Variants in BRIP1 observed in about 807,000 individuals in gnomAD.
The protein encoded by BRIP1 is BRCA1 interacting DNA helicase 1, also known as Fanconi anemia group J protein.
In BRIP1, 88 loss-of-function variants were observed where a neutral mutation model predicts 119.7. The ratio of observed to expected loss-of-function variants is 0.74; its 90% CI spans 0.62 to 0.88. The LOEUF (loss-of-function observed/expected upper bound fraction) is 0.88, where lower values mean the gene tolerates loss of function less well. BRIP1 is among the 40% of genes least tolerant of loss of function. The pLI is 0.00. For synonymous variants in BRIP1, 443 were observed against 496.5 expected, an observed-to-expected ratio of 0.89 and a Z score of 1.43; for missense variants, 1,259 against 1,455.4, an observed-to-expected ratio of 0.87 and a Z score of 2.20.
intron 18 of BRIP1, among the ~76,000 whole-genome samples, chr17:61,692,376 T>C (rs1052008840): frequency 7.2e-5 from 11 of 151,994 alleles, no homozygotes; most frequent in African/African-American, 2.2e-4. Flanking sequence ...AGGCAGCCTA[T>C]AGAATGGGAG....
At position 61,846,250 on chromosome 17, in the gene BRIP1, G is replaced by C. The variant is rs1352705141; in HGVS notation, c.627+851C>G. Among the ~76,000 whole-genome samples, 1 of 149,178 alleles carries C rather than the reference G, an allele frequency of 6.7e-6. No homozygotes were observed. The highest frequency in any genetic ancestry group is 1.5e-5 in the Non-Finnish European group (1 of 67,796). ...ATAGAGAGAGAGAGAGAGAAAAAGA[G>C]AGAGAGAGAGAAAGAGAGAGAGAGA... On this transcript the variant is annotated intron_variant, in intron 6 of 19. Coordinates refer to ENST00000259008, the MANE Select transcript of BRIP1 (RefSeq NM_032043.3). The surrounding 1 kb of genome is among the most constrained non-coding windows in gnomAD (Gnocchi z 4.3).
rs2077388936 is a variant in BRIP1, at chr17:61,767,417, A to C, written c.2097+8984T>G. Among the ~76,000 whole-genome samples the C allele has an allele frequency of 6.6e-6, 1 of 151,872 alleles. No homozygotes were observed. Among genetic ancestry groups the C allele is most frequent in the Non-Finnish European group, 1.5e-5 (1 of 67,952 alleles). On this transcript the variant is annotated intron_variant, in intron 14 of 19. Coordinates refer to ENST00000259008, the MANE Select transcript of BRIP1 (RefSeq NM_032043.3). The surrounding 1 kb of genome is among the most constrained non-coding windows in gnomAD (Gnocchi z 5.7). ...TCAGCCTCCTAAGTAGCTGGGACTC[A>C]CAACACCACACCTGGCTGATATTTT...
chr17:61,772,832 A>AC (rs2077477653), intron 14 of BRIP1, among the ~76,000 whole-genome samples: 2 of 151,268 alleles, frequency 1.3e-5, no homozygotes, highest in Admixed American at 6.6e-5. Flanking sequence ...AAAAAAAAAA[A>AC]AAAAAAAAAA....
In BRIP1 at chr17:61,793,810, T is replaced by C. The variant is rs2077859122; in HGVS notation, c.1341-81A>G. On this transcript the variant is annotated intron_variant, in intron 9 of 19. Transcript: ENST00000259008. The surrounding 1 kb of genome is among the most constrained non-coding windows in gnomAD (Gnocchi z 5.2). ...CAGCAGAACAAGAGAATCATCATTATTGTCATGCGTTGATCTGTATATCTT... is the reference window on the plus strand; with the variant it reads ...CAGCAGAACAAGAGAATCATCATTACTGTCATGCGTTGATCTGTATATCTT... The C allele has an allele frequency of 7.1e-7, 1 of 1,402,672 alleles. No homozygotes were observed. Among genetic ancestry groups the C allele is most frequent in the South Asian group, 1.3e-5 (1 of 76,842 alleles). 86.9% of individuals were successfully genotyped at this position (1,402,672 alleles called of 1,614,324 possible). A position where few individuals can be genotyped will look rare whatever the true frequency, so the allele number is the denominator to read the frequency against.
chr17:61,858,366 G>T, intron 3 of BRIP1, among the ~76,000 whole-genome samples: 1 of 145,752 alleles, frequency 6.9e-6, no homozygotes, highest in African/African-American at 2.6e-5. Context: ...AGCTTATGAA[G>T]TATTTACTGT....
rs2061377093 is a variant in BRIP1 at position 61,687,290 on chromosome 17, C to T, written c.2576-1125G>A. 2.6e-5 allele frequency among the ~76,000 whole-genome samples: 4 copies of T among 152,116 alleles called. No homozygotes were observed. Among genetic ancestry groups the T allele is most frequent in the Admixed American group, 2.6e-4 (4 of 15,270 alleles). On this transcript the variant is annotated intron_variant, in intron 18 of 19. Coordinates refer to ENST00000259008, the MANE Select transcript of BRIP1 (RefSeq NM_032043.3). This position sits in a 1 kb window ranked among gnomAD's most constrained non-coding sequence, Gnocchi z 5.1. ...AAGAATTTTAGTACTATATTTACCT[C>T]TTCATTTCAACCTTTTTATAATCAA...
chr17:61,847,323 C>CA (rs992165383), intron 5 of BRIP1, 103 bp from the exon 6 acceptor site: 2 of 1,245,820 alleles, frequency 1.6e-6, no homozygotes, highest in South Asian at 1.3e-5. Flanking sequence ...TTCCTGCATC[C>CA]AAAAAAAGAC....
Position 61,825,615 on chromosome 17 carries a change from A to G in BRIP1, c.628-16858T>C, listed in dbSNP as rs964323051. On this transcript the variant is annotated intron_variant, in intron 6 of 19. Coordinates refer to ENST00000259008, the MANE Select transcript of BRIP1 (RefSeq NM_032043.3). This position sits in a 1 kb window ranked among gnomAD's most constrained non-coding sequence, Gnocchi z 4.1. ...AATCAGGAATGCAATCCCATTCACA[A>G]TTGCCACAAATAAATAAATAAATAA... Among the ~76,000 whole-genome samples, 3 of 145,296 alleles carry G rather than the reference A, an allele frequency of 2.1e-5. No individual in the cohort carries two copies. The highest frequency in any genetic ancestry group is 1.4e-4 in the Admixed American group (2 of 13,888).
At position 61,762,850 on chromosome 17, in the gene BRIP1, T is replaced by A. The variant is rs2077297527; in HGVS notation, c.2097+13551A>T. ...AAACACTCAAAACAGAATTACCTTA[T>A]GATCTAGCAATCTCACTTCTGAGTA... On this transcript the variant is annotated intron_variant, in intron 14 of 19. Coordinates refer to ENST00000259008, the MANE Select transcript of BRIP1 (RefSeq NM_032043.3). The surrounding 1 kb of genome is among the most constrained non-coding windows in gnomAD (Gnocchi z 4.3). Among the ~76,000 whole-genome samples the A allele has an allele frequency of 7.9e-5, 12 of 152,192 alleles. No individual in the cohort carries two copies.
At chr17:61,791,462 C>T (rs983007570) in intron 10 of BRIP1, among the ~76,000 whole-genome samples, 3 of 111,088 alleles carry the variant, frequency 2.7e-5, no homozygotes, top group African/African-American at 1.1e-4. Context: ...GCCCTCCAGC[C>T]TGGGCAACAG....
At chr17:61,737,791 G>A (rs1055950810) in intron 16 of BRIP1, among the ~76,000 whole-genome samples, 2 of 152,094 alleles carry the variant, frequency 1.3e-5, no homozygotes, top group Non-Finnish European at 2.9e-5. Flanking sequence ...CTTATAAATG[G>A]ATAACTAACA....
rs1235980210 is a variant in BRIP1 at position 61,857,305 on chromosome 17, A to G, written c.206-74T>C. 3 of 1,368,862 alleles carry G rather than the reference A, an allele frequency of 2.2e-6. No homozygotes were observed. In the African/African-American group the frequency reaches 4.4e-5, roughly 20 times the overall value. 84.8% of individuals were successfully genotyped at this position (1,368,862 alleles called of 1,614,324 possible). On this transcript the variant is annotated intron_variant, in intron 3 of 19. Coordinates refer to ENST00000259008, the MANE Select transcript of BRIP1 (RefSeq NM_032043.3). This position sits in a 1 kb window ranked among gnomAD's most constrained non-coding sequence, Gnocchi z 5.1. ...TCAATCATTCTCTACAGCCCAGTTCACCCAGGATTGGGAGGTTTCCTAAGA... is the reference window on the plus strand; with the variant it reads ...TCAATCATTCTCTACAGCCCAGTTCGCCCAGGATTGGGAGGTTTCCTAAGA...
At position 61,793,558 on chromosome 17, in the gene BRIP1, T is replaced by C. The variant is rs2077851041; in HGVS notation, c.1473+39A>G. ...TTAGTCACGACTAAATCACTTCTAA[T>C]TCACTAAATACGTTTCACAGGTAGA... is the stretch of plus-strand genomic sequence containing the variant. On this transcript the variant is annotated intron_variant, in intron 10 of 19. Coordinates refer to ENST00000259008, the MANE Select transcript of BRIP1 (RefSeq NM_032043.3). This position sits in a 1 kb window ranked among gnomAD's most constrained non-coding sequence, Gnocchi z 5.2. 6.4e-7 allele frequency: 1 copy of C among 1,574,726 alleles called. No homozygotes were observed. The highest frequency in any genetic ancestry group is 1.3e-5 in the African/African-American group (1 of 74,346).
In BRIP1 at chr17:61,724,703, T is replaced by C. The variant is rs1038872576; in HGVS notation, c.2380-8640A>G. Among the ~76,000 whole-genome samples the C allele has an allele frequency of 4.6e-5, 7 of 152,192 alleles. No homozygotes were observed. The highest frequency in any genetic ancestry group is 1.7e-4 in the African/African-American group (7 of 41,456). On this transcript the variant is annotated intron_variant, in intron 16 of 19. Coordinates refer to ENST00000259008, the MANE Select transcript of BRIP1 (RefSeq NM_032043.3). This position sits in a 1 kb window ranked among gnomAD's most constrained non-coding sequence, Gnocchi z 5.1. ...ATAGAAGAATATAATTTTTTTCTTGTATGTAAGCTTGAAGACAAAAGTTCA... is the reference window on the plus strand; with the variant it reads ...ATAGAAGAATATAATTTTTTTCTTGCATGTAAGCTTGAAGACAAAAGTTCA...
intron 10 of BRIP1, among the ~76,000 whole-genome samples, chr17:61,792,226 G>T (rs140545663): frequency 6.6e-6 from 1 of 152,178 alleles, no homozygotes; most frequent in African/African-American, 2.4e-5. Context: ...GACTACAGGC[G>T]CATACCACCA....
rs565195608 is a variant in BRIP1 at position 61,693,619 on chromosome 17, T to C, written c.2493-107A>G. The C allele has an allele frequency of 2.2e-4, 198 of 893,998 alleles. 3 individuals are homozygous for C. In the South Asian group the frequency reaches 2.7e-3, roughly 12 times the overall value. 55.4% of individuals were successfully genotyped at this position (893,998 alleles called of 1,614,324 possible). A position where few individuals can be genotyped will look rare whatever the true frequency, so the allele number is the denominator to read the frequency against. On this transcript the variant is annotated intron_variant, in intron 17 of 19. Transcript: ENST00000259008. This position sits in a 1 kb window ranked among gnomAD's most constrained non-coding sequence, Gnocchi z 4.2. ...AAAAAAATCAATTTTATAGATTCCT[T>C]TAAACAATTTGTTATTATCAGAAAA...
chr17:61,722,861 A>G lies in BRIP1; in HGVS notation c.2380-6798T>C, dbSNP rs142193509. Among the ~76,000 whole-genome samples, 4 of 152,274 alleles carry G rather than the reference A, an allele frequency of 2.6e-5. No homozygotes were observed. The highest frequency in any genetic ancestry group is 9.6e-5 in the African/African-American group (4 of 41,558). ...ATTTTCAAACACCTTTTACACTCCA[A>G]ATGGCCTTTAAAATACTGCCAATAT... On this transcript the variant is annotated intron_variant, in intron 16 of 19. Coordinates refer to ENST00000259008, the MANE Select transcript of BRIP1 (RefSeq NM_032043.3). The surrounding 1 kb of genome is among the most constrained non-coding windows in gnomAD (Gnocchi z 4.6).
chr17:61,711,391 A>C (rs1194575963), intron 17 of BRIP1, among the ~76,000 whole-genome samples: 1 of 152,228 alleles, frequency 6.6e-6, no homozygotes, highest in African/African-American at 2.4e-5. Context: ...AATTCAAAAA[A>C]AAAATGTCAA....
At chr17:61,747,894 C>G (rs1010276468) in intron 14 of BRIP1, among the ~76,000 whole-genome samples, 10 of 147,878 alleles carry the variant, frequency 6.8e-5, no homozygotes, top group African/African-American at 2.4e-4. Context: ...AGCCACCATG[C>G]CCTGGTAATT....
Sources: gnomAD v4.1 joint callset for allele counts (sites outside exome capture counted in the v4.1 genomes callset) on GRCh38, gnomAD v4.1.1 for gene constraint, Gnocchi (gnomAD v3.1) non-coding constraint, MANE v1.5 for transcripts, NCBI Gene and HGNC (gene_info 2026-07-23, HGNC 2026-07-21) for gene names.